The following IGFBP5 variants were observed in gnomAD, a reference collection of about 807,000 sequenced individuals.
IGFBP5 encodes insulin like growth factor binding protein 5.
In IGFBP5, 12 loss-of-function variants were observed where a neutral mutation model predicts 28.0. The ratio of observed to expected loss-of-function variants is 0.43; its 90% CI spans 0.27 to 0.69. The LOEUF (loss-of-function observed/expected upper bound fraction) is 0.69. IGFBP5 is among the 30% of genes least tolerant of loss of function. IGFBP5 has a pLI of 0.20. For missense variants in IGFBP5, 344 were observed against 381.6 expected (o/e 0.90, Z 0.82); for synonymous variants, 152 against 150.2 (o/e 1.01, Z -0.09).
chr2:216,694,659 G>A lies in IGFBP5; in HGVS notation c.117C>T (p.Pro39=), dbSNP rs757476772. 38 of 1,527,444 alleles carry A rather than the reference G, an allele frequency of 2.5e-5. No individual in the cohort carries two copies. The highest frequency in any genetic ancestry group is 2.5e-5 in the East Asian group (1 of 40,782). 94.6% of individuals were successfully genotyped at this position (1,527,444 alleles called of 1,614,324 possible). A position where few individuals can be genotyped will look rare whatever the true frequency, so the allele number is the denominator to read the frequency against. The change falls in exon 1 of 4, where the codon CCC becomes CCT. Residue 39 remains proline, a synonymous_variant. Transcript: ENST00000233813. The surrounding 1 kb of genome is among the most constrained non-coding windows in gnomAD (Gnocchi z 5.2). ...PCDEKALSMC[P]PSPLGCELVK... ...CCAGCTCGCAGCCCAGGGGGCTGGG[G>A]GGGCACATGGAGAGGGCTTTCTCGT...
At position 216,676,776 on chromosome 2, in the gene IGFBP5, G is replaced by A. The variant is rs778050959; in HGVS notation, c.794C>T (p.Thr265Ile). 1 of 1,613,882 alleles carries A rather than the reference G, an allele frequency of 6.2e-7. No homozygotes were observed. ...EYVDGDFQCH[T>I]FDSSNVE is the part of the protein sequence containing the mutation. ...TCACTCAACGTTGCTGCTGTCGAAG[G>A]TGTGGCACTGAAAGTCCCCGTCAAC... The change falls in exon 4 of 4, where the codon ACC becomes ATC. Residue 265 changes from threonine (T) to isoleucine (I), a missense_variant. Physicochemically the swap from Thr to Ile is moderately conservative, Grantham distance 89 (BLOSUM62 -1). Transcript: ENST00000233813.
rs373270052 is a variant in IGFBP5, at chr2:216,678,841, G to A, written c.567+9C>T. Reference sequence around the variant, plus strand: ...GCTGGGAGGGAATGAGGGAATCCCCGAGATGCACCTGCTCAGACTCCTGTC... The same window carrying A: ...GCTGGGAGGGAATGAGGGAATCCCCAAGATGCACCTGCTCAGACTCCTGTC... On this transcript the variant is annotated intron_variant, in intron 2 of 3. Transcript: ENST00000233813. 46 of 1,604,986 alleles carry A rather than the reference G, an allele frequency of 2.9e-5. No homozygotes were observed. Among genetic ancestry groups the A allele is most frequent in the Non-Finnish European group, 3.3e-5 (39 of 1,172,592 alleles).
At chr2:216,687,987 AG>A (rs1324435387) in intron 1 of IGFBP5, among the ~76,000 whole-genome samples, 1 of 152,200 alleles carries the variant, frequency 6.6e-6, no homozygotes, top group East Asian at 1.9e-4. Flanking sequence ...TGGGAGCAAA[AG>A]GAAAGAGTGG....
rs1004308570 is a variant in IGFBP5, at chr2:216,679,988, C to T, written c.338-909G>A. Among the ~76,000 whole-genome samples the T allele has an allele frequency of 3.4e-4, 51 of 152,114 alleles. No individual in the cohort carries two copies. Among genetic ancestry groups the T allele is most frequent in the Non-Finnish European group, 1.3e-4 (9 of 68,008 alleles). On this transcript the variant is annotated intron_variant, in intron 1 of 3. Coordinates refer to ENST00000233813, the MANE Select transcript of IGFBP5 (RefSeq NM_000599.4). The surrounding 1 kb of genome is among the most constrained non-coding windows in gnomAD (Gnocchi z 4.6). The stretch of plus-strand genomic sequence containing the variant: ...GTATTTGTTGATCCTTAATTCCACC[C>T]GTCCGGCCTTTTCTTGGTGCGCAGT...
chr2:216,679,047 T>C lies in IGFBP5; in HGVS notation c.370A>G (p.Thr124Ala). ...RDSREHEEPTTSEMAEETYSP... is the reference protein window; with the variant it reads ...RDSREHEEPTASEMAEETYSP... ...TAGGTCTCCTCGGCCATCTCAGAGG[T>C]GGTGGGCTCCTCGTGCTCACGGGAG... Residue 124 changes from threonine (T) to alanine (A), a missense_variant, in exon 2 of 4, where the codon ACC becomes GCC. This residue lies in a region of IGFBP5 where 304 missense variants were observed against 329.2 expected (regional missense o/e 0.92). Transcript: ENST00000233813. This position sits in a 1 kb window ranked among gnomAD's most constrained non-coding sequence, Gnocchi z 4.6. 1 of 1,613,940 alleles carries C rather than the reference T, an allele frequency of 6.2e-7. No homozygotes were observed. The highest frequency in any genetic ancestry group is 8.5e-7 in the Non-Finnish European group (1 of 1,179,978).
intron 1 of IGFBP5, among the ~76,000 whole-genome samples, chr2:216,690,729 G>GA (rs1689084989): frequency 6.6e-6 from 1 of 151,658 alleles, no homozygotes; most frequent in Non-Finnish European, 1.5e-5. Flanking sequence ...TTGGGGTGGG[G>GA]GGTCGGGGGG....
At position 216,679,186 on chromosome 2, in the gene IGFBP5, G is replaced by A. The variant is rs748431184; in HGVS notation, c.338-107C>T. The A allele has an allele frequency of 5.0e-6, 4 of 804,770 alleles. No individual in the cohort carries two copies. In the South Asian group the frequency reaches 5.7e-5, roughly 12 times the overall value. The allele number at this position is 804,770 out of a possible 1,614,324, so 49.9% of individuals were successfully genotyped here. Reference sequence around the variant, plus strand: ...GAGGGGAGTAATAAAGGCTGAAGCAGATGTGTCTCTGCCCTCCTGGAGCAC... The same window carrying A: ...GAGGGGAGTAATAAAGGCTGAAGCAAATGTGTCTCTGCCCTCCTGGAGCAC... On this transcript the variant is annotated intron_variant, in intron 1 of 3. Transcript: ENST00000233813. The surrounding 1 kb of genome is among the most constrained non-coding windows in gnomAD (Gnocchi z 4.6).
At chr2:216,690,890 GGTGGGC>G (rs1442321290) in intron 1 of IGFBP5, among the ~76,000 whole-genome samples, 2 of 142,504 alleles carry the variant, frequency 1.4e-5, no homozygotes, top group Non-Finnish European at 3.1e-5. Flanking sequence ...GGGGGGGCGG[GGTGGGC>G]GGGGGCGGGG....
intron 1 of IGFBP5, among the ~76,000 whole-genome samples, chr2:216,683,103 G>A (rs1336618785): frequency 1.3e-5 from 2 of 152,150 alleles, no homozygotes; most frequent in African/African-American, 4.8e-5. Flanking sequence ...TGGATTGCCT[G>A]AGCCCAGGAG....
At chr2:216,689,296 C>T (rs1177520253) in intron 1 of IGFBP5, among the ~76,000 whole-genome samples, 1 of 152,186 alleles carries the variant, frequency 6.6e-6, no homozygotes, top group Non-Finnish European at 1.5e-5. Context: ...GGCGCATGGA[C>T]CTGAAAGCTG....
chr2:216,680,224 T>C (rs1179716420), intron 1 of IGFBP5, among the ~76,000 whole-genome samples: 1 of 152,106 alleles, frequency 6.6e-6, no homozygotes, highest in Non-Finnish European at 1.5e-5. Context: ...CCTCCCTCTT[T>C]TTTCAAATAC....
In IGFBP5 at chr2:216,679,097, G is replaced by A. The variant is rs765081163; in HGVS notation, c.338-18C>T. On this transcript the variant is annotated intron_variant, in intron 1 of 3. Coordinates refer to ENST00000233813, the MANE Select transcript of IGFBP5 (RefSeq NM_000599.4). This position sits in a 1 kb window ranked among gnomAD's most constrained non-coding sequence, Gnocchi z 4.6. ...GTCTCTCTCTGCAGGAGAAGGAGCC[G>A]GAGGGTCAGCCCCCGTGGGCCAAGG... 2.5e-6 allele frequency: 4 copies of A among 1,610,104 alleles called. No individual in the cohort carries two copies. Among genetic ancestry groups the A allele is most frequent in the East Asian group, 2.2e-5 (1 of 44,848 alleles).
At chr2:216,687,056 AATC>A (rs1258862816) in intron 1 of IGFBP5, among the ~76,000 whole-genome samples, 1 of 152,120 alleles carries the variant, frequency 6.6e-6, no homozygotes, top group Non-Finnish European at 1.5e-5. Flanking sequence ...CCCTAGTTCG[AATC>A]ATCAACTAAA....
chr2:216,681,434 G>C (rs528580552), intron 1 of IGFBP5, among the ~76,000 whole-genome samples: 1 of 152,142 alleles, frequency 6.6e-6, no homozygotes, highest in Non-Finnish European at 1.5e-5. Flanking sequence ...CAGCGCATGC[G>C]TCTATGCGTC....
At chr2:216,678,073 G>A (rs1031926043) in intron 3 of IGFBP5, 39 bp downstream of exon 3, 1 of 1,379,052 alleles carries the variant, frequency 7.3e-7, no homozygotes, top group Non-Finnish European at 9.5e-7. Flanking sequence ...TGCCATTTTT[G>A]GAGCAGTCTG....
intron 1 of IGFBP5, among the ~76,000 whole-genome samples, chr2:216,691,667 C>T (rs1689097155): frequency 6.6e-6 from 1 of 152,106 alleles, no homozygotes; most frequent in Non-Finnish European, 1.5e-5. Context: ...TCCGCCCTCT[C>T]CTTTCCCTCC....
chr2:216,682,466 T>C (rs1688987292), intron 1 of IGFBP5, among the ~76,000 whole-genome samples: 1 of 152,138 alleles, frequency 6.6e-6, no homozygotes, highest in Non-Finnish European at 1.5e-5. Context: ...AAGGAACAAG[T>C]AGACTGGCTA....
rs750025687 is a variant in IGFBP5, at chr2:216,694,429, G to A, written c.337+10C>T. On this transcript the variant is annotated intron_variant, in intron 1 of 3. Coordinates refer to ENST00000233813, the MANE Select transcript of IGFBP5 (RefSeq NM_000599.4). The surrounding 1 kb of genome is among the most constrained non-coding windows in gnomAD (Gnocchi z 5.2). ...GCCGCGTAACTGACTGGCACACTGA[G>A]CGCGCTCACCGATCTTGACTTGCTC... 3 of 1,516,630 alleles carry A rather than the reference G, an allele frequency of 2.0e-6. No individual in the cohort carries two copies. Among genetic ancestry groups the A allele is most frequent in the Admixed American group, 4.2e-5 (2 of 48,120 alleles). 93.9% of individuals were successfully genotyped at this position (1,516,630 alleles called of 1,614,324 possible).
At chr2:216,681,447 C>T (rs1688977247) in intron 1 of IGFBP5, among the ~76,000 whole-genome samples, 1 of 152,148 alleles carries the variant, frequency 6.6e-6, no homozygotes, top group Non-Finnish European at 1.5e-5. Flanking sequence ...TATGCGTCTC[C>T]TTCAGTGGGC....
Sources: gnomAD v4.1 joint callset for allele counts (sites outside exome capture counted in the v4.1 genomes callset) on GRCh38, gnomAD v4.1.1 for gene constraint, gnomAD v4.1.1 regional missense constraint, Gnocchi (gnomAD v3.1) non-coding constraint, MANE v1.5 for transcripts, NCBI Gene and HGNC (gene_info 2026-07-23, HGNC 2026-07-21) for gene names.